DENND5B: variants seen among roughly 807,000 people sequenced by gnomAD.
DENND5B encodes DENN domain containing 5B.
In DENND5B, 34 loss-of-function variants were observed where a neutral mutation model predicts 140.6. The observed-to-expected ratio is 0.24, with a 90% CI of 0.18 to 0.32. DENND5B has a LOEUF of 0.32. Ranked by LOEUF, DENND5B falls within the 10% of genes least tolerant of loss-of-function variation. The probability of loss-of-function intolerance (pLI) is 1.00; values close to 1 mark genes in which losing one functional copy is unlikely to be tolerated. For missense variants in DENND5B, 1,142 were observed against 1,560.2 expected, an observed-to-expected ratio of 0.73 and a Z score of 4.52; for synonymous variants, 551 against 562.1, an observed-to-expected ratio of 0.98 and a Z score of 0.28.
At chr12:31,581,903 C>T (rs922975142) in intron 1 of DENND5B, among the ~76,000 whole-genome samples, 1 of 152,090 alleles carries the variant, frequency 6.6e-6, no homozygotes, top group Non-Finnish European at 1.5e-5. Flanking sequence ...AGATAACATA[C>T]GCACATTCTC....
intron 1 of DENND5B, among the ~76,000 whole-genome samples, chr12:31,507,948 T>G (rs1212353259): frequency 6.6e-6 from 1 of 152,192 alleles, no homozygotes; most frequent in Non-Finnish European, 1.5e-5. Context: ...AGTATTTACC[T>G]TCTATGGAAA....
At chr12:31,567,504 G>A (rs538336577) in intron 1 of DENND5B, among the ~76,000 whole-genome samples, 2 of 129,274 alleles carry the variant, frequency 1.5e-5, no homozygotes, top group East Asian at 4.4e-4. Flanking sequence ...TCCAGCCTGG[G>A]CAACAGAGCA....
At chr12:31,467,229 G>C (rs1431331287) in intron 3 of DENND5B, among the ~76,000 whole-genome samples, 4 of 151,824 alleles carry the variant, frequency 2.6e-5, no homozygotes, top group Non-Finnish European at 4.4e-5. Context: ...ATCTAATAGA[G>C]AAAGCTATCT....
intron 1 of DENND5B, among the ~76,000 whole-genome samples, chr12:31,569,142 A>G (rs1949729879): frequency 6.8e-6 from 1 of 146,916 alleles, no homozygotes; most frequent in African/African-American, 2.6e-5. Context: ...TCTAGGCTCA[A>G]TGAAATCTCC....
At chr12:31,438,400 T>C (rs978657001) in intron 7 of DENND5B, among the ~76,000 whole-genome samples, 2 of 152,190 alleles carry the variant, frequency 1.3e-5, no homozygotes, top group African/African-American at 2.4e-5. Flanking sequence ...TACAATGGTA[T>C]CAAGGAAGGT....
chr12:31,448,028 G>C (rs1052503819), intron 5 of DENND5B, among the ~76,000 whole-genome samples: 3 of 151,590 alleles, frequency 2.0e-5, no homozygotes, highest in East Asian at 1.9e-4. Flanking sequence ...GTAGCAAAGA[G>C]GGCATCAGTA....
At chr12:31,577,926 A>G (rs550047027) in intron 1 of DENND5B, among the ~76,000 whole-genome samples, 1 of 151,746 alleles carries the variant, frequency 6.6e-6, no homozygotes, top group South Asian at 2.1e-4. Flanking sequence ...GGAGTTCGAG[A>G]CCAGCTTCGG....
At chr12:31,543,207 C>T (rs986506379) in intron 1 of DENND5B, among the ~76,000 whole-genome samples, 5 of 151,684 alleles carry the variant, frequency 3.3e-5, no homozygotes, top group African/African-American at 9.7e-5. Context: ...GACTTTGTCT[C>T]AAAAAACAAG....
At position 31,443,044 on chromosome 12, in the gene DENND5B, T is replaced by TTGTGTG. The variant is rs60242727; in HGVS notation, c.1862-125_1862-120dup. 8.5e-4 allele frequency: 428 copies of TTGTGTG among 506,192 alleles called. 1 individual carries two copies. The highest frequency in any genetic ancestry group is 1.7e-3 in the African/African-American group (91 of 52,346). The allele number at this position is 506,192 out of a possible 1,614,324, so 31.4% of individuals were successfully genotyped here. On this transcript the variant is annotated intron_variant, in intron 6 of 20. Coordinates refer to ENST00000389082, the MANE Select transcript of DENND5B (RefSeq NM_144973.4). ...TCACTCTGACACTCTGAAACAGATA[T>TTGTGTG]TGTGTGTGTGTGTGTGTGTGCACGC... is the stretch of plus-strand genomic sequence containing the variant.
chr12:31,509,383 G>A (rs1947324110), intron 1 of DENND5B, among the ~76,000 whole-genome samples: 1 of 152,178 alleles, frequency 6.6e-6, no homozygotes, highest in African/African-American at 2.4e-5. Flanking sequence ...CACTTTGGGA[G>A]GCTGAGGCAT....
chr12:31,432,634 T>TAA (rs1943559765), intron 8 of DENND5B: 1 of 152,400 alleles, frequency 6.6e-6, no homozygotes, highest in Non-Finnish European at 1.5e-5. Context: ...AAAACTTACT[T>TAA]GTTGTATAAT....
chr12:31,406,807 T>A (rs1250597306), intron 14 of DENND5B, among the ~76,000 whole-genome samples: 5 of 152,240 alleles, frequency 3.3e-5, no homozygotes, highest in Non-Finnish European at 5.9e-5. Context: ...TGCTACTACT[T>A]CTTACTTATT....
chr12:31,424,412 A>G (rs1436093927), intron 10 of DENND5B, 123 bp downstream of exon 10: 4 of 1,274,758 alleles, frequency 3.1e-6, no homozygotes, highest in Non-Finnish European at 4.2e-6. Flanking sequence ...TGCCTGTGGC[A>G]TTTTTCTAGT....
chr12:31,402,711 T>G, intron 14 of DENND5B, 68 bp from the exon 15 acceptor site: 1 of 1,488,966 alleles, frequency 6.7e-7, no homozygotes, highest in Non-Finnish European at 9.0e-7. Flanking sequence ...AAACATATAT[T>G]AAGAACTCTT....
intron 1 of DENND5B, among the ~76,000 whole-genome samples, chr12:31,556,842 A>G (rs932617366): frequency 1.3e-5 from 2 of 152,036 alleles, no homozygotes; most frequent in Non-Finnish European, 2.9e-5. Context: ...CAATATGATT[A>G]AAAAAAAGAA....
chr12:31,420,226 T>G (rs1416384775), intron 11 of DENND5B, among the ~76,000 whole-genome samples: 1 of 152,026 alleles, frequency 6.6e-6, no homozygotes, highest in Middle Eastern at 3.2e-3. Context: ...CCCCCTGGGC[T>G]CAAGTGATCC....
At chr12:31,485,204 C>T (rs1026818868) in intron 2 of DENND5B, among the ~76,000 whole-genome samples, 1 of 152,164 alleles carries the variant, frequency 6.6e-6, no homozygotes, top group Admixed American at 6.5e-5. Flanking sequence ...AATGCCTGAC[C>T]GCACATCACA....
chr12:31,410,167 T>C (rs1593091238), intron 13 of DENND5B, among the ~76,000 whole-genome samples: 1 of 152,194 alleles, frequency 6.6e-6, no homozygotes, highest in Non-Finnish European at 1.5e-5. Flanking sequence ...ATTCTCACAG[T>C]TGGTGAGACT....
chr12:31,495,396 TGAGACAGA>T (rs1946720666), intron 2 of DENND5B, among the ~76,000 whole-genome samples: 1 of 150,234 alleles, frequency 6.7e-6, no homozygotes. Context: ...TTTCTTTTTT[TGAGACAGA>T]GTCTCGCTCT....
Sources: gnomAD v4.1 joint callset for allele counts (sites outside exome capture counted in the v4.1 genomes callset) on GRCh38, gnomAD v4.1.1 for gene constraint, MANE v1.5 for transcripts, NCBI Gene and HGNC (gene_info 2026-07-23, HGNC 2026-07-21) for gene names.